Variants in MARCHF1 observed in about 807,000 individuals in gnomAD.
MARCHF1 encodes the protein membrane associated ring-CH-type finger 1, also known as E3 ubiquitin-protein ligase MARCHF1.
A neutral mutation model predicts 54.2 loss-of-function variants in MARCHF1; 40 were observed. The observed-to-expected ratio is 0.74, with a 90% CI of 0.57 to 0.96. The LOEUF is 0.96. Among genes scored for constraint, MARCHF1 ranks in the 40% least tolerant of loss-of-function variants. The pLI, the probability that MARCHF1 is intolerant of heterozygous loss-of-function variation, is 0.00. For synonymous variants in MARCHF1, 236 were observed against 236.3 expected, an observed-to-expected ratio of 1.00 and a Z score of 0.01; for missense variants, 586 against 656.5, an observed-to-expected ratio of 0.89 and a Z score of 1.17.
chr4:164,330,383 A>G (rs1391006448), intron 1 of MARCHF1, among the ~76,000 whole-genome samples: 2 of 152,006 alleles, frequency 1.3e-5, no homozygotes, highest in Non-Finnish European at 2.9e-5. Flanking sequence ...GAAGTTTGTC[A>G]TGTCTTCCCC....
intron 5 of MARCHF1, among the ~76,000 whole-genome samples, chr4:163,650,908 T>C (rs1380851270): frequency 2.0e-5 from 3 of 151,878 alleles, no homozygotes; most frequent in Non-Finnish European, 4.4e-5. Context: ...TGCCAGGAGT[T>C]CAAAATATTA....
chr4:163,983,840 T>C (rs1752808019), intron 3 of MARCHF1, among the ~76,000 whole-genome samples: 1 of 152,148 alleles, frequency 6.6e-6, no homozygotes, highest in African/African-American at 2.4e-5. Flanking sequence ...TAAGTTGTCT[T>C]AACTGTAAAG....
chr4:164,110,550 A>G (rs1481102972), intron 2 of MARCHF1, among the ~76,000 whole-genome samples: 1 of 151,754 alleles, frequency 6.6e-6, no homozygotes, highest in East Asian at 1.9e-4. Flanking sequence ...TACTGGGGTA[A>G]TAAAAATACT....
chr4:163,763,856 T>C (rs1746900897), intron 4 of MARCHF1, among the ~76,000 whole-genome samples: 1 of 152,052 alleles, frequency 6.6e-6, no homozygotes, highest in Non-Finnish European at 1.5e-5. Context: ...GTAAATTAAA[T>C]CAAAGAAACA....
chr4:164,268,566 T>C (rs1185388936), intron 1 of MARCHF1, among the ~76,000 whole-genome samples: 1 of 152,134 alleles, frequency 6.6e-6, no homozygotes, highest in African/African-American at 2.4e-5. Flanking sequence ...AGATCTCTGA[T>C]ATAAAACAGA....
At chr4:164,140,451 A>G (rs1028895723) in intron 1 of MARCHF1, among the ~76,000 whole-genome samples, 10 of 152,112 alleles carry the variant, frequency 6.6e-5, no homozygotes, top group Non-Finnish European at 1.3e-4. Flanking sequence ...CTGCATTTGG[A>G]CAATGAGATG....
At chr4:164,032,109 T>C (rs771313604) in intron 2 of MARCHF1, among the ~76,000 whole-genome samples, 11 of 152,202 alleles carry the variant, frequency 7.2e-5, no homozygotes, top group Non-Finnish European at 1.3e-4. Flanking sequence ...GATTTTCTAG[T>C]TTATTTGCAT....
intron 1 of MARCHF1, among the ~76,000 whole-genome samples, chr4:164,300,849 T>G (rs912012419): frequency 1.3e-5 from 2 of 152,174 alleles, no homozygotes; most frequent in African/African-American, 4.8e-5. Flanking sequence ...ACCAAATACA[T>G]GCAAATGGTA....
In MARCHF1 at chr4:163,787,258, C is replaced by A. The variant is rs554109021; in HGVS notation, c.111+66763G>T. On this transcript the variant is annotated intron_variant, in intron 4 of 9. Coordinates refer to ENST00000514618, the MANE Select transcript of MARCHF1 (RefSeq NM_001394959.1). Reference sequence around the variant, plus strand: ...TCCATCAAACTTAAATCCTTCTAAGCATCAAAATGGACAATCAACAAAGTG... The same window carrying A: ...TCCATCAAACTTAAATCCTTCTAAGAATCAAAATGGACAATCAACAAAGTG... Among the ~76,000 whole-genome samples, 4 of 151,490 alleles carry A rather than the reference C, an allele frequency of 2.6e-5. No homozygotes were observed. The East Asian group carries it at 7.7e-4, about 29-fold the overall frequency.
At chr4:163,826,071 C>A (rs1186671791) in intron 4 of MARCHF1, among the ~76,000 whole-genome samples, 1 of 151,894 alleles carries the variant, frequency 6.6e-6, no homozygotes, top group Non-Finnish European at 1.5e-5. Context: ...CTTTTATAGA[C>A]CTCGAATACT....
At chr4:163,787,022 T>A (rs879831798) in intron 4 of MARCHF1, among the ~76,000 whole-genome samples, 1 of 151,720 alleles carries the variant, frequency 6.6e-6, no homozygotes, top group Admixed American at 6.6e-5. Context: ...AAACTGAATA[T>A]CCATTTACAA....
intron 4 of MARCHF1, among the ~76,000 whole-genome samples, chr4:163,830,203 ATT>A (rs1748978398): frequency 6.6e-6 from 1 of 151,826 alleles, no homozygotes; most frequent in Non-Finnish European, 1.5e-5. Context: ...TATACTTGAA[ATT>A]TTTCATAGAT....
chr4:164,279,288 T>C (rs1733964906), intron 1 of MARCHF1, among the ~76,000 whole-genome samples: 1 of 151,410 alleles, frequency 6.6e-6, no homozygotes, highest in South Asian at 2.1e-4. Flanking sequence ...TTTTAGAAGA[T>C]AAGTAAATAA....
At chr4:163,975,541 A>G (rs1190149438) in intron 3 of MARCHF1, among the ~76,000 whole-genome samples, 2 of 152,216 alleles carry the variant, frequency 1.3e-5, no homozygotes, top group East Asian at 3.9e-4. Context: ...CTCAAATTAG[A>G]AAAAATGCCG....
chr4:164,158,723 C>T (rs150781977), intron 1 of MARCHF1, among the ~76,000 whole-genome samples: 1 of 152,224 alleles, frequency 6.6e-6, no homozygotes, highest in African/African-American at 2.4e-5. Context: ...GTTCCACATG[C>T]ATCCTCTCCC....
At chr4:163,807,390 C>G (rs929637262) in intron 4 of MARCHF1, among the ~76,000 whole-genome samples, 1 of 152,086 alleles carries the variant, frequency 6.6e-6, no homozygotes, top group African/African-American at 2.4e-5. Flanking sequence ...TTGGAAGCAA[C>G]TTAATACTTT....
chr4:163,831,720 G>A (rs1749029986), intron 4 of MARCHF1, among the ~76,000 whole-genome samples: 1 of 152,180 alleles, frequency 6.6e-6, no homozygotes. Flanking sequence ...AAACAGGAAA[G>A]GCAATTCATG....
At chr4:164,191,679 T>A (rs1273562448) in intron 1 of MARCHF1, among the ~76,000 whole-genome samples, 3 of 152,134 alleles carry the variant, frequency 2.0e-5, no homozygotes, top group Non-Finnish European at 4.4e-5. Context: ...GTTTTATAAG[T>A]AATATGTTAA....
intron 1 of MARCHF1, among the ~76,000 whole-genome samples, chr4:164,381,497 C>A (rs968907572): frequency 5.9e-5 from 9 of 152,036 alleles, no homozygotes; most frequent in African/African-American, 1.2e-4. Flanking sequence ...AAAATGTAAT[C>A]TGTTCTTCTC....
Sources: gnomAD v4.1 joint callset for allele counts (sites outside exome capture counted in the v4.1 genomes callset) on GRCh38, gnomAD v4.1.1 for gene constraint, MANE v1.5 for transcripts, NCBI Gene and HGNC (gene_info 2026-07-23, HGNC 2026-07-21) for gene names.